TONSL: variants seen among roughly 807,000 people sequenced by gnomAD.
TONSL encodes the protein tonsoku like, DNA repair protein.
Under a neutral mutation model 147.1 loss-of-function variants are expected in TONSL, and 112 were observed. The ratio of observed to expected loss-of-function variants is 0.76; its 90% CI spans 0.65 to 0.89. The LOEUF (loss-of-function observed/expected upper bound fraction) is 0.89. Ranked by LOEUF, TONSL falls within the 40% of genes least tolerant of loss-of-function variation. The probability of loss-of-function intolerance (pLI) is 0.00; values close to 1 mark genes in which losing one functional copy is unlikely to be tolerated. For synonymous variants in TONSL, 868 were observed against 801.5 expected (o/e 1.08, Z -1.40); for missense variants, 1,883 against 1,864.6 (o/e 1.01, Z -0.18).
intron 4 of TONSL, 154 bp downstream of exon 4, chr8:144,442,984 G>C: frequency 1.6e-6 from 2 of 1,226,510 alleles, no homozygotes; most frequent in South Asian, 3.1e-5. Flanking sequence ...ATCTCCAGGG[G>C]AAAGGTTGAG....
At chr8:144,431,645 TG>T (rs1554878684) in intron 23 of TONSL, among the ~76,000 whole-genome samples, 1 of 151,344 alleles carries the variant, frequency 6.6e-6, no homozygotes, top group Non-Finnish European at 1.5e-5. Context: ...CCCAAGTAGC[TG>T]GGACTCCAGG....
At chr8:144,430,750 C>T (rs1410257487) in intron 24 of TONSL, among the ~76,000 whole-genome samples, 1 of 152,174 alleles carries the variant, frequency 6.6e-6, no homozygotes, top group Non-Finnish European at 1.5e-5. Context: ...TGTGCCTGGC[C>T]CAGCTTGGGC....
chr8:144,432,404 G>A lies in TONSL; in HGVS notation c.3616C>T (p.Leu1206=). The A allele has an allele frequency of 6.3e-7, 1 of 1,592,880 alleles. No individual in the cohort carries two copies. Residue 1206 remains leucine, a synonymous_variant, in exon 23 of 26, where the codon CTG becomes TTG. Transcript: ENST00000409379. The part of the protein sequence containing the change: ...LSYNALGAPA[L]ARTLQSLPAG... ...GGCAGGCTCTGCAGGGTCCTGGCCAGGGCAGGGGCTCCCAGGGCGTTGTAG... is the reference window on the plus strand; with the variant it reads ...GGCAGGCTCTGCAGGGTCCTGGCCAAGGCAGGGGCTCCCAGGGCGTTGTAG...
intron 13 of TONSL, chr8:144,438,166 G>A (rs1173449375): frequency 9.2e-6 from 4 of 435,614 alleles, no homozygotes; most frequent in Non-Finnish European, 1.7e-5. Context: ...ATCCCAAAGT[G>A]CTGGGATTAC....
chr8:144,434,547 G>C (rs1287476030), intron 20 of TONSL, among the ~76,000 whole-genome samples: 2 of 152,140 alleles, frequency 1.3e-5, no homozygotes, highest in East Asian at 3.9e-4. Flanking sequence ...GCAGCTCCCA[G>C]CCCATGCCAG....
In TONSL at chr8:144,435,089, G is replaced by A; in HGVS notation, c.2934C>T (p.Leu978=). The change falls in exon 19 of 26, where the codon CTC becomes CTT. Residue 978 remains leucine, a synonymous_variant. Coordinates refer to ENST00000409379, the MANE Select transcript of TONSL (RefSeq NM_013432.5). ...YYQTCGLLPR[L]TLRKEGALLA... is the part of the protein sequence containing the mutation. ...GCAGGGCCCCCTCTTTCCGTAGGGT[G>A]AGCCTGGGCAGCAGCCCGCAGGTCT... 6.2e-7 allele frequency: 1 copy of A among 1,606,550 alleles called. No individual in the cohort carries two copies. Among genetic ancestry groups the A allele is most frequent in the Non-Finnish European group, 8.5e-7 (1 of 1,177,172 alleles).
chr8:144,443,302 T>C lies in TONSL; in HGVS notation c.284A>G (p.Glu95Gly). ...GTGGTTGCGCAGGGAATGTGCCAGCTCCAGGTACTGGTGCTGGTGCTGAGT... is the reference window on the plus strand; with the variant it reads ...GTGGTTGCGCAGGGAATGTGCCAGCCCCAGGTACTGGTGCTGGTGCTGAGT... Reference protein sequence around the residue: ...AALQHQHQYLELAHSLRNHTE... With the variant: ...AALQHQHQYLGLAHSLRNHTE... Residue 95 changes from glutamate (E) to glycine (G), a missense_variant, in exon 4 of 26, where the codon GAG (glutamate) becomes GGG (glycine). By Grantham distance (98) the Glu-to-Gly change is moderately conservative (BLOSUM62 -2). Coordinates refer to ENST00000409379, the MANE Select transcript of TONSL (RefSeq NM_013432.5). The C allele has an allele frequency of 6.5e-7, 1 of 1,550,372 alleles. No homozygotes were observed. Among genetic ancestry groups the C allele is most frequent in the Non-Finnish European group, 8.7e-7 (1 of 1,146,728 alleles).
rs749033121 is a variant in TONSL at position 144,435,557 on chromosome 8, G to A, written c.2776-7C>T. ...GAGGGGGCGGGGCCGGACCCTGGCA[G>A]GTGAAGGCAGCAGGGCTGAGTCAGG... is the stretch of plus-strand genomic sequence containing the variant. On this transcript the variant is annotated splice_region_variant and splice_polypyrimidine_tract_variant and intron_variant, in intron 17 of 25. Transcript: ENST00000409379. 1 of 1,557,072 alleles carries A rather than the reference G, an allele frequency of 6.4e-7. No individual in the cohort carries two copies. The highest frequency in any genetic ancestry group is 1.2e-5 in the South Asian group (1 of 84,802).
At position 144,434,319 on chromosome 8, in the gene TONSL, C is replaced by A. The variant is rs1554879422; in HGVS notation, c.3086-40G>T. ...TGATGTCACCAGGGTAAGGCCGGCC[C>A]TTTCTGCCCTCTGAATCCCAGAGGG... On this transcript the variant is annotated intron_variant, in intron 20 of 25. Transcript: ENST00000409379. 4.1e-6 allele frequency: 6 copies of A among 1,459,758 alleles called. No homozygotes were observed. In the African/African-American group the frequency reaches 4.3e-5, roughly 10 times the overall value. The allele number at this position is 1,459,758 out of a possible 1,614,324, so 90.4% of individuals were successfully genotyped here.
Position 144,437,005 on chromosome 8 carries a change from G to C in TONSL, c.1726+22C>G, listed in dbSNP as rs567019790. 6.8e-6 allele frequency: 11 copies of C among 1,612,998 alleles called. No individual in the cohort carries two copies. The South Asian group carries it at 1.1e-4, about 16-fold the overall frequency. The stretch of plus-strand genomic sequence containing the variant: ...CCACGTGTCCACCAAGGTGCGCCAG[G>C]CTCCTTCTGTCCCTTGCTCACCTAG... On this transcript the variant is annotated intron_variant, in intron 14 of 25. Coordinates refer to ENST00000409379, the MANE Select transcript of TONSL (RefSeq NM_013432.5).
Position 144,433,605 on chromosome 8 carries a change from A to T in TONSL, c.3542T>A (p.Leu1181Gln), listed in dbSNP as rs1554879206. ...CAGCTCACCTTGGAAAGCACTACCC[A>T]GTGCTGTCTGGTGGCTCAGAAAGAA... Reference protein sequence around the residue: ...PSFFLSHQTALGSAFQDAEHL... With the variant: ...PSFFLSHQTAQGSAFQDAEHL... The change falls in exon 22 of 26, where the codon CTG becomes CAG. Residue 1181 changes from leucine to glutamine, a missense_variant. Physicochemically the swap from Leu to Gln is moderately radical, Grantham distance 113. Coordinates refer to ENST00000409379, the MANE Select transcript of TONSL (RefSeq NM_013432.5). 1 of 1,613,500 alleles carries T rather than the reference A, an allele frequency of 6.2e-7. No individual in the cohort carries two copies. Among genetic ancestry groups the T allele is most frequent in the Admixed American group, 1.7e-5 (1 of 60,002 alleles).
chr8:144,433,325 CTTGG>C (rs1823297334), intron 22 of TONSL: 2 of 374,110 alleles, frequency 5.3e-6, no homozygotes, highest in Non-Finnish European at 9.8e-6. Flanking sequence ...ATCTGCCCGC[CTTGG>C]CCTCCCAAAG....
At chr8:144,434,991 G>A in intron 19 of TONSL, 26 bp downstream of exon 19, 1 of 1,611,916 alleles carries the variant, frequency 6.2e-7, no homozygotes, top group Admixed American at 1.7e-5. Context: ...CTGAGGCCCT[G>A]GCTCCCCCTC....
rs777471898 is a variant in TONSL, at chr8:144,436,139, G to A, written c.2294C>T (p.Thr765Ile). The change falls in exon 17 of 26, where the codon ACA becomes ATA. Residue 765 changes from threonine to isoleucine, a missense_variant. Thr to Ile is a moderately conservative substitution (Grantham distance 89, BLOSUM62 -1). Coordinates refer to ENST00000409379, the MANE Select transcript of TONSL (RefSeq NM_013432.5). ...CGTCCAGGCTGCCACCCGTTGTGCT[G>A]TGGCCGAGCACCGAGGCCTCTTCTG... Reference protein sequence around the residue: ...PSQKRPRCSATAQRVAAWTPG... With the variant: ...PSQKRPRCSAIAQRVAAWTPG... 3 of 1,564,906 alleles carry A rather than the reference G, an allele frequency of 1.9e-6. No individual in the cohort carries two copies. The highest frequency in any genetic ancestry group is 2.3e-5 in the South Asian group (2 of 87,858).
rs774764107 is a variant in TONSL, at chr8:144,438,554, G to A, written c.1570C>T (p.Arg524Trp). 11 of 1,613,164 alleles carry A rather than the reference G, an allele frequency of 6.8e-6. No individual in the cohort carries two copies. The highest frequency in any genetic ancestry group is 2.2e-5 in the East Asian group (1 of 44,868). ...AGGGTCTCCCCCATGTCGTTTCGCCGGTTCCACTGTGGGCACAGCCAACCC... is the reference window on the plus strand; with the variant it reads ...AGGGTCTCCCCCATGTCGTTTCGCCAGTTCCACTGTGGGCACAGCCAACCC... ...LGRRKGSKWN[R>W]RNDMGETLLH... is the part of the protein sequence containing the mutation. Residue 524 changes from arginine to tryptophan, a missense_variant, in exon 13 of 26, where the codon CGG (arginine) becomes TGG (tryptophan). Physicochemically the swap from Arg to Trp is moderately radical, Grantham distance 101. Transcript: ENST00000409379.
At chr8:144,433,368 G>A (rs934689133) in intron 22 of TONSL, 32 of 511,066 alleles carry the variant, frequency 6.3e-5, no homozygotes, top group East Asian at 1.5e-4. Context: ...GAGCCACTGC[G>A]CCCGGCCTAG....
rs748660368 is a variant in TONSL at position 144,435,026 on chromosome 8, G to T, written c.2997C>A (p.Ser999Arg). The T allele has an allele frequency of 1.2e-6, 2 of 1,612,538 alleles. No individual in the cohort carries two copies. Among genetic ancestry groups the T allele is most frequent in the South Asian group, 2.2e-5 (2 of 90,962 alleles). Residue 999 changes from serine (S) to arginine (R), a missense_variant, in exon 19 of 26, where the codon AGC (serine) becomes AGA (arginine). Ser to Arg is a moderately radical substitution (Grantham distance 110). Coordinates refer to ENST00000409379, the MANE Select transcript of TONSL (RefSeq NM_013432.5). ...CCGCTCTGCGGCTCACCTCGTCATT[G>T]CTCTGCAGCACATCAGGGATGAGGT... ...PQDLIPDVLQSNDEVLAEVTS... is the reference protein window; with the variant it reads ...PQDLIPDVLQRNDEVLAEVTS...
At position 144,430,425 on chromosome 8, in the gene TONSL, G is replaced by C. The variant is rs1376880855; in HGVS notation, c.3922C>G (p.Leu1308Val). 4 of 1,610,958 alleles carry C rather than the reference G, an allele frequency of 2.5e-6. No homozygotes were observed. The highest frequency in any genetic ancestry group is 3.4e-6 in the Non-Finnish European group (4 of 1,178,638). Reference sequence around the variant, plus strand: ...TCACCTGACAGGCCAAGGAAGCTAAGGCCTTGGGGCCGCTTTTGGAGGGTG... The same window carrying C: ...TCACCTGACAGGCCAAGGAAGCTAACGCCTTGGGGCCGCTTTTGGAGGGTG... Reference protein sequence around the residue: ...LSTLQKRPQGLSFLGLSGCAV... With the variant: ...LSTLQKRPQGVSFLGLSGCAV... The change falls in exon 25 of 26, where the codon CTT becomes GTT. Residue 1308 changes from leucine (L) to valine (V), a missense_variant. Leu to Val is a conservative substitution (Grantham distance 32, BLOSUM62 1). Transcript: ENST00000409379.
intron 20 of TONSL, 117 bp from the exon 21 acceptor site, chr8:144,434,396 C>T: frequency 1.1e-6 from 1 of 904,894 alleles, no homozygotes. Context: ...ACCAGACTTG[C>T]TGTAGAGCCC....
Sources: gnomAD v4.1 joint callset for allele counts (sites outside exome capture counted in the v4.1 genomes callset) on GRCh38, gnomAD v4.1.1 for gene constraint, MANE v1.5 for transcripts, NCBI Gene and HGNC (gene_info 2026-07-23, HGNC 2026-07-21) for gene names.